The following VPS8 variants were observed in gnomAD, a reference collection of about 807,000 sequenced individuals.
VPS8 encodes the protein VPS8 subunit of CORVET complex, also known as vacuolar protein sorting-associated protein 8 homolog.
Under a neutral mutation model 216.4 loss-of-function variants are expected in VPS8, and 129 were observed. That is an observed-to-expected ratio of 0.60 (90% confidence interval 0.52 to 0.69). The LOEUF (loss-of-function observed/expected upper bound fraction) is 0.69. Among genes scored for constraint, VPS8 ranks in the 30% least tolerant of loss-of-function variants. The pLI is 0.00. For synonymous variants in VPS8, 571 were observed against 565.4 expected, an observed-to-expected ratio of 1.01 and a Z score of -0.14; for missense variants, 1,531 against 1,683.5, an observed-to-expected ratio of 0.91 and a Z score of 1.59.
Position 184,870,705 on chromosome 3 carries a change from T to C in VPS8, c.1645-11T>C. The C allele has an allele frequency of 6.2e-7, 1 of 1,605,870 alleles. No individual in the cohort carries two copies. Among genetic ancestry groups the C allele is most frequent in the Non-Finnish European group, 8.5e-7 (1 of 1,175,164 alleles). On this transcript the variant is annotated splice_polypyrimidine_tract_variant and intron_variant, in intron 20 of 47. Transcript: ENST00000625842. ...TATTTTAATGTCTATGCCAGGCTGT[T>C]TTCCTTACAGATGGTAGAAATCCTA... is the stretch of plus-strand genomic sequence containing the variant.
At chr3:185,045,766 A>T (rs1376705542) in intron 46 of VPS8, among the ~76,000 whole-genome samples, 1 of 28,478 alleles carries the variant, frequency 3.5e-5, no homozygotes, top group Non-Finnish European at 5.5e-5. Flanking sequence ...GACTCCGTCT[A>T]AAAAAAAAAA....
chr3:184,905,565 A>G (rs988395021), intron 25 of VPS8, among the ~76,000 whole-genome samples: 10 of 137,918 alleles, frequency 7.3e-5, no homozygotes, highest in African/African-American at 1.6e-4. Flanking sequence ...ACTTTAGTCT[A>G]TTTGCTTTCT....
chr3:184,994,790 A>G (rs924390958), intron 43 of VPS8, among the ~76,000 whole-genome samples: 1 of 152,254 alleles, frequency 6.6e-6, no homozygotes. Context: ...GTTTGTTTTT[A>G]TGCTGCTGAT....
intron 15 of VPS8, among the ~76,000 whole-genome samples, 184 bp from the exon 16 acceptor site, chr3:184,862,713 A>G (rs966327351): frequency 6.6e-6 from 1 of 152,222 alleles, no homozygotes. Context: ...AGTCAGTAGT[A>G]TATTGTACCT....
intron 36 of VPS8, among the ~76,000 whole-genome samples, chr3:184,952,280 T>C (rs781513599): frequency 4.1e-4 from 62 of 152,310 alleles, no homozygotes; most frequent in Middle Eastern, 3.4e-3. Context: ...CCAGTCTGCA[T>C]TGGTGACGTG....
chr3:184,939,787 T>C (rs1175589941), intron 35 of VPS8, among the ~76,000 whole-genome samples: 1 of 152,166 alleles, frequency 6.6e-6, no homozygotes, highest in African/African-American at 2.4e-5. Context: ...CTGGATGAAC[T>C]ATCTCACAGC....
intron 8 of VPS8, among the ~76,000 whole-genome samples, chr3:184,847,616 A>G (rs1252166860): frequency 6.6e-6 from 1 of 152,204 alleles, no homozygotes; most frequent in African/African-American, 2.4e-5. Context: ...TTGTGGAAAT[A>G]TGGTGTTTTT....
intron 45 of VPS8, among the ~76,000 whole-genome samples, chr3:185,017,896 G>T (rs1414104899): frequency 2.0e-5 from 3 of 151,948 alleles, no homozygotes; most frequent in Non-Finnish European, 4.4e-5. Flanking sequence ...GAGTGACACT[G>T]ATTAGCCCAG....
chr3:184,901,067 A>T, intron 25 of VPS8, 95 bp downstream of exon 25: 1 of 1,054,172 alleles, frequency 9.5e-7, no homozygotes, highest in East Asian at 2.4e-5. Context: ...TGCAGTGTGA[A>T]TGTTGGTAAT....
chr3:185,001,846 G>A (rs1753466308), intron 45 of VPS8, among the ~76,000 whole-genome samples: 1 of 152,108 alleles, frequency 6.6e-6, no homozygotes, highest in Non-Finnish European at 1.5e-5. Flanking sequence ...AGGGTTTTAG[G>A]AGCTGTGTGC....
intron 21 of VPS8, among the ~76,000 whole-genome samples, chr3:184,884,196 A>G (rs1730776118): frequency 6.6e-6 from 1 of 152,108 alleles, no homozygotes; most frequent in South Asian, 2.1e-4. Flanking sequence ...TACATTAGGT[A>G]CATCTCCCAA....
At chr3:184,836,199 A>G in intron 5 of VPS8, 1 of 451,560 alleles carries the variant, frequency 2.2e-6, no homozygotes, top group South Asian at 1.6e-5. Flanking sequence ...AAATAGAGAG[A>G]TGCTCAAGCA....
At chr3:184,877,079 C>A (rs901615146) in intron 21 of VPS8, among the ~76,000 whole-genome samples, 2 of 152,190 alleles carry the variant, frequency 1.3e-5, no homozygotes, top group Non-Finnish European at 2.9e-5. Context: ...GTCTTAACAT[C>A]CCTGTTCTCT....
intron 23 of VPS8, 46 bp downstream of exon 23, chr3:184,894,971 C>A: frequency 1.3e-6 from 2 of 1,483,736 alleles, no homozygotes; most frequent in South Asian, 2.5e-5. Context: ...AACTTCATTC[C>A]TTTATTGATA....
chr3:184,849,991 A>G lies in VPS8; in HGVS notation c.722A>G (p.His241Arg). Residue 241 changes from histidine to arginine, a missense_variant, in exon 10 of 48, where the codon CAT (histidine) becomes CGT (arginine). Physicochemically the swap from His to Arg is conservative, Grantham distance 29. Around this residue, in one of 3 missense-constraint regions of VPS8, gnomAD observed 1,318 missense variants for 1,468.4 expected, o/e 0.90. Coordinates refer to ENST00000625842, the MANE Select transcript of VPS8 (RefSeq NM_001009921.3). Reference sequence around the variant, plus strand: ...CTTCTAAGATCAATAACAGATGCTCATCCTCCAGGAACAGCAATATTGCAT... The same window carrying G: ...CTTCTAAGATCAATAACAGATGCTCGTCCTCCAGGAACAGCAATATTGCAT... ...GKLLRSITDA[H>R]PPGTAILHIK... is the part of the protein sequence containing the mutation. 1 of 1,613,404 alleles carries G rather than the reference A, an allele frequency of 6.2e-7. No homozygotes were observed. The highest frequency in any genetic ancestry group is 8.5e-7 in the Non-Finnish European group (1 of 1,179,646).
intron 45 of VPS8, among the ~76,000 whole-genome samples, chr3:185,004,084 C>T (rs758736788): frequency 4.6e-5 from 7 of 152,192 alleles, no homozygotes; most frequent in Non-Finnish European, 8.8e-5. Context: ...GGGTGGCGGC[C>T]AGGCAGAGGC....
At chr3:184,865,426 A>G (rs976698770) in intron 16 of VPS8, among the ~76,000 whole-genome samples, 2 of 152,234 alleles carry the variant, frequency 1.3e-5, no homozygotes, top group Non-Finnish European at 2.9e-5. Flanking sequence ...ATGAGAACCC[A>G]TTTCTCATCA....
intron 46 of VPS8, among the ~76,000 whole-genome samples, chr3:185,032,963 G>A (rs1438985596): frequency 3.9e-5 from 6 of 152,086 alleles, no homozygotes; most frequent in Non-Finnish European, 7.4e-5. Flanking sequence ...CACCCCGCCC[G>A]GCCCCTTTAT....
chr3:185,004,901 T>C (rs2109950037), intron 45 of VPS8, among the ~76,000 whole-genome samples: 1 of 145,214 alleles, frequency 6.9e-6, no homozygotes, highest in East Asian at 2.3e-4. Flanking sequence ...TTTTTTTGTT[T>C]TGTTTTTTAT....
Sources: gnomAD v4.1 joint callset for allele counts (sites outside exome capture counted in the v4.1 genomes callset) on GRCh38, gnomAD v4.1.1 for gene constraint, gnomAD v4.1.1 regional missense constraint, MANE v1.5 for transcripts, NCBI Gene and HGNC (gene_info 2026-07-23, HGNC 2026-07-21) for gene names.